The following ZNF723 variants were observed in gnomAD, a reference collection of about 807,000 sequenced individuals.
ZNF723 encodes the protein zinc finger protein 723, pseudogene.
Under a neutral mutation model 9.4 loss-of-function variants are expected in ZNF723, and 5 were observed. The observed-to-expected ratio is 0.53, with a 90% CI of 0.28 to 1.12. The LOEUF (loss-of-function observed/expected upper bound fraction) is 1.12, where lower values mean the gene tolerates loss of function less well. ZNF723 is among the 50% of genes most tolerant of loss of function. ZNF723 has a pLI of 0.10. For missense variants in ZNF723, 450 were observed against 501.5 expected (o/e 0.90, Z 0.98); for synonymous variants, 158 against 168.8 (o/e 0.94, Z 0.49).
At chr19:22,830,616 A>C (rs186133684), upstream of ZNF723, among the ~76,000 whole-genome samples, 3 of 152,304 alleles carry the variant, frequency 2.0e-5, no homozygotes, top group Non-Finnish European at 4.4e-5. Flanking sequence ...AGCATTGATC[A>C]ACAAATTCAG....
At chr19:22,840,721 A>G (rs1194804987) in intron 1 of ZNF723, 1 of 152,146 alleles carries the variant, frequency 6.6e-6, no homozygotes, top group Non-Finnish European at 1.5e-5. Context: ...TTAGTATCCC[A>G]TGATATCTGT....
chr19:22,858,235 T>C lies in ZNF723; in HGVS notation c.1344T>C (p.Thr448=). 7.4e-7 allele frequency: 1 copy of C among 1,358,552 alleles called. No homozygotes were observed. The allele number at this position is 1,358,552 out of a possible 1,614,324, so 84.2% of individuals were successfully genotyped here. The part of the protein sequence containing the change: ...STLTKHKIIH[T]KEKPYKCEEC... ...TTACTAAACATAAGATAATTCATAC[T>C]AAAGAGAAACCCTACAAATGTGAAG... The change falls in exon 4 of 4, where the codon ACT becomes ACC. Residue 448 remains threonine (T), a synonymous_variant. Coordinates refer to ENST00000600766, the MANE Select transcript of ZNF723 (RefSeq NM_001349726.2).
chr19:22,827,892 T>C (rs939786429), upstream of ZNF723, among the ~76,000 whole-genome samples: 1 of 152,006 alleles, frequency 6.6e-6, no homozygotes, highest in African/African-American at 2.4e-5. Flanking sequence ...CTGACCAAAA[T>C]GGAGAAACCC....
intron 1 of ZNF723, among the ~76,000 whole-genome samples, chr19:22,844,410 A>G (rs893956862): frequency 6.6e-6 from 1 of 152,232 alleles, no homozygotes; most frequent in Non-Finnish European, 1.5e-5. Context: ...GAAACAGAAG[A>G]TGAAATACAT....
the ZNF723 span, among the ~76,000 whole-genome samples, chr19:22,817,297 C>A: frequency 1.5e-4 from 23 of 152,200 alleles, no homozygotes; most frequent in Non-Finnish European, 2.6e-4. Context: ...TTGCCTGGGC[C>A]CTACATATTT....
the ZNF723 span, among the ~76,000 whole-genome samples, chr19:22,813,677 G>A: frequency 6.6e-6 from 1 of 151,936 alleles, no homozygotes; most frequent in African/African-American, 2.4e-5. Context: ...GGAGGTGGGT[G>A]TTGCAGTGAG....
intron 1 of ZNF723, 33 bp from the exon 2 acceptor site, chr19:22,848,228 A>ATGTG (rs2145222727): frequency 1.3e-6 from 1 of 762,620 alleles, no homozygotes; most frequent in East Asian, 2.8e-5. Context: ...CCCGGTAAAT[A>ATGTG]TGTGTGTATG....
At chr19:22,821,397 C>T in the ZNF723 span, among the ~76,000 whole-genome samples, 3 of 152,188 alleles carry the variant, frequency 2.0e-5, no homozygotes, top group Non-Finnish European at 2.9e-5. Flanking sequence ...CTGGACCCAT[C>T]GCCTAGGTTA....
At chr19:22,825,031 G>A in the ZNF723 span, among the ~76,000 whole-genome samples, 6 of 152,210 alleles carry the variant, frequency 3.9e-5, no homozygotes, top group East Asian at 5.8e-4. Context: ...TACCAATCAC[G>A]GAGGTGACAT....
the ZNF723 span, among the ~76,000 whole-genome samples, chr19:22,820,408 C>G: frequency 1.1e-3 from 160 of 152,162 alleles, 2 homozygotes; most frequent in East Asian, 0.029. Context: ...TTCACATATC[C>G]CTGGCAGAAA....
intron 1 of ZNF723, among the ~76,000 whole-genome samples, chr19:22,848,051 G>A (rs931143977): frequency 2.0e-5 from 3 of 149,424 alleles, no homozygotes; most frequent in African/African-American, 4.9e-5. Flanking sequence ...GCAGTGAGCC[G>A]AAATTGCACC....
chr19:22,830,379 G>T (rs1333737709), upstream of ZNF723, among the ~76,000 whole-genome samples: 1 of 152,152 alleles, frequency 6.6e-6, no homozygotes, highest in Admixed American at 6.6e-5. Context: ...TGTTGCCCAG[G>T]CTGTACTTGA....
chr19:22,833,621 CT>C (rs1173767479), intron 1 of ZNF723, among the ~76,000 whole-genome samples: 4 of 149,748 alleles, frequency 2.7e-5, no homozygotes. Flanking sequence ...TTTTTTTTTT[CT>C]TTTTTGAAAC....
At chr19:22,849,687 T>A (rs1257585302) in intron 3 of ZNF723, among the ~76,000 whole-genome samples, 6 of 152,158 alleles carry the variant, frequency 3.9e-5, no homozygotes, top group African/African-American at 1.4e-4. Context: ...GGCGGGTGGA[T>A]CACCTGAGGT....
the ZNF723 span, among the ~76,000 whole-genome samples, chr19:22,817,840 A>G: frequency 6.6e-6 from 1 of 152,140 alleles, no homozygotes; most frequent in South Asian, 2.1e-4. Context: ...CACATGTCAT[A>G]TAACGCCTTT....
At chr19:22,843,901 A>G (rs548502592) in intron 1 of ZNF723, among the ~76,000 whole-genome samples, 16 of 152,296 alleles carry the variant, frequency 1.1e-4, no homozygotes, top group Non-Finnish European at 2.1e-4. Context: ...CTGAGATTTA[A>G]GTTTCTCTTA....
Position 22,858,650 on chromosome 19 carries a change from C to T in ZNF723, c.*217C>T. On this transcript the variant is annotated 3_prime_UTR_variant, in exon 4 of 4. Coordinates refer to ENST00000600766, the MANE Select transcript of ZNF723 (RefSeq NM_001349726.2). ...GTGTAGTGGTGGGCGCCTGTAATCC[C>T]AGCTAGTTGGGAGGCTGAGGCAGGA... The T allele has an allele frequency of 2.9e-6, 1 of 339,940 alleles. No homozygotes were observed. The highest frequency in any genetic ancestry group is 5.2e-6 in the Non-Finnish European group (1 of 190,742). 21.1% of individuals were successfully genotyped at this position (339,940 alleles called of 1,614,324 possible).
At chr19:22,842,440 T>C (rs1967259965) in intron 1 of ZNF723, among the ~76,000 whole-genome samples, 1 of 152,188 alleles carries the variant, frequency 6.6e-6, no homozygotes, top group Admixed American at 6.6e-5. Context: ...CAATAATCAA[T>C]GTCATTTCTG....
the ZNF723 span, among the ~76,000 whole-genome samples, chr19:22,819,608 C>CCCAGTTTTTAAATTATGG: frequency 7.2e-5 from 11 of 152,220 alleles, no homozygotes; most frequent in Non-Finnish European, 1.3e-4. Context: ...TACAGCTGAT[C>CCCAGTTTTTAAATTATGG]CCAGTTTTTA....
Sources: allele counts gnomAD v4.1 joint callset (sites outside exome capture counted in the v4.1 genomes callset), GRCh38; gene constraint gnomAD v4.1.1; transcripts MANE v1.5; gene names NCBI Gene and HGNC (gene_info 2026-07-23, HGNC 2026-07-21).